Variants in FAM227B observed in about 807,000 individuals in gnomAD.
FAM227B encodes the protein family with sequence similarity 227 member B, also known as protein FAM227B.
Under a neutral mutation model 73.8 loss-of-function variants are expected in FAM227B, and 88 were observed. The ratio of observed to expected loss-of-function variants is 1.19; its 90% CI spans 1.00 to 1.42. The LOEUF (loss-of-function observed/expected upper bound fraction) is 1.42. Ranked by LOEUF, FAM227B falls within the 40% of genes most tolerant of loss-of-function variation. FAM227B has a pLI of 0.00. For synonymous variants in FAM227B, 210 were observed against 190.5 expected (o/e 1.10, Z -0.84); for missense variants, 632 against 590.9 (o/e 1.07, Z -0.72).
At chr15:49,347,635 T>TA (rs1384540083) in intron 13 of FAM227B, among the ~76,000 whole-genome samples, 8 of 152,294 alleles carry the variant, frequency 5.3e-5, no homozygotes, top group African/African-American at 1.9e-4. Context: ...CTGAGAAGCT[T>TA]AGTTATTATC....
intron 13 of FAM227B, chr15:49,353,961 G>C (rs149059564): frequency 6.6e-6 from 1 of 152,200 alleles, no homozygotes; most frequent in South Asian, 2.1e-4. Flanking sequence ...GGAAAAATGT[G>C]TGTTCATGTG....
intron 15 of FAM227B, chr15:49,329,017 ACT>A (rs3075142): frequency 0.28 from 285,824 of 1,011,374 alleles, 41,494 homozygotes; most frequent in East Asian, 0.42. Flanking sequence ...CTTTCTTATC[ACT>A]CTTTTTCTAC....
At chr15:49,591,975 G>A (rs552799748) in intron 3 of FAM227B, among the ~76,000 whole-genome samples, 1 of 152,114 alleles carries the variant, frequency 6.6e-6, no homozygotes, top group Non-Finnish European at 1.5e-5. Flanking sequence ...GGCTATTGAA[G>A]CTTGTGCACG....
chr15:49,549,619 C>A (rs1276256578), intron 9 of FAM227B, among the ~76,000 whole-genome samples: 1 of 151,722 alleles, frequency 6.6e-6, no homozygotes, highest in Non-Finnish European at 1.5e-5. Flanking sequence ...GGACACAGCA[C>A]ATGATTCCGA....
intron 9 of FAM227B, among the ~76,000 whole-genome samples, chr15:49,549,863 G>A (rs1434494108): frequency 3.3e-5 from 5 of 152,072 alleles, no homozygotes; most frequent in Non-Finnish European, 7.4e-5. Flanking sequence ...TGGTGGCCGG[G>A]CAGAGGGGCT....
At chr15:49,586,364 C>T (rs2076162979) in intron 5 of FAM227B, among the ~76,000 whole-genome samples, 1 of 152,124 alleles carries the variant, frequency 6.6e-6, no homozygotes, top group Admixed American at 6.6e-5. Context: ...GGACCTTTTC[C>T]TTGCACCTTA....
chr15:49,597,389 A>C (rs1372315147), intron 3 of FAM227B, among the ~76,000 whole-genome samples: 2 of 152,048 alleles, frequency 1.3e-5, no homozygotes, highest in Non-Finnish European at 2.9e-5. Context: ...TCAACAATGA[A>C]ATCAAGATGG....
At chr15:49,551,009 C>G (rs199714504) in intron 9 of FAM227B, among the ~76,000 whole-genome samples, 7,989 of 152,312 alleles carry the variant, frequency 0.052, 360 homozygotes, top group East Asian at 0.23. Flanking sequence ...ACTGAGTGAA[C>G]CAGACTCCGT....
At chr15:49,422,120 T>TAGAGAGAG (rs3075167) in intron 11 of FAM227B, among the ~76,000 whole-genome samples, 5,135 of 134,380 alleles carry the variant, frequency 0.038, 314 homozygotes, top group African/African-American at 0.14. Flanking sequence ...GCATTTCACA[T>TAGAGAGAG]AGAGAGAGAG....
intron 11 of FAM227B, among the ~76,000 whole-genome samples, chr15:49,477,216 C>T (rs911653119): frequency 1.3e-5 from 2 of 152,122 alleles, no homozygotes; most frequent in Admixed American, 6.5e-5. Flanking sequence ...ATACTAAGGT[C>T]CACGTTTTGC....
chr15:49,435,143 AAATG>A (rs936351198), intron 11 of FAM227B, among the ~76,000 whole-genome samples: 11 of 151,628 alleles, frequency 7.3e-5, no homozygotes, highest in African/African-American at 2.7e-4. Flanking sequence ...AGTGTGAAAA[AAATG>A]AATGAAATAT....
intron 10 of FAM227B, among the ~76,000 whole-genome samples, chr15:49,540,258 T>C (rs923404302): frequency 6.6e-6 from 1 of 152,168 alleles, no homozygotes; most frequent in Admixed American, 6.5e-5. Context: ...AAAAGGTTGC[T>C]AGGATCCTTT....
intron 11 of FAM227B, among the ~76,000 whole-genome samples, chr15:49,489,822 T>A (rs1047004460): frequency 0.054 from 1,706 of 31,580 alleles, 77 homozygotes; most frequent in Non-Finnish European, 0.079. Context: ...TATATATATT[T>A]TATATATATA....
chr15:49,402,307 G>A (rs2048220780), intron 11 of FAM227B, among the ~76,000 whole-genome samples: 1 of 152,078 alleles, frequency 6.6e-6, no homozygotes. Flanking sequence ...AAATTGTTAG[G>A]AAAAGTTTTT....
Position 49,537,948 on chromosome 15 carries a change from G to C in FAM227B, c.874+3732C>G, listed in dbSNP as rs114867717. Among the ~76,000 whole-genome samples the C allele has an allele frequency of 5.7e-3, 870 of 152,220 alleles. 10 individuals are homozygous for C. Among genetic ancestry groups the C allele is most frequent in the African/African-American group, 0.02 (835 of 41,544 alleles). On this transcript the variant is annotated intron_variant, in intron 10 of 15. Coordinates refer to ENST00000299338, the MANE Select transcript of FAM227B (RefSeq NM_152647.3). The stretch of plus-strand genomic sequence containing the variant: ...GTACAGCATGAATGGGATGATAAAG[G>C]TTAGAGGCTATGAAGGAGCAGACAT...
Position 49,541,822 on chromosome 15 carries a change from C to A in FAM227B, c.748-16G>T, listed in dbSNP as rs754946362. 1 of 1,356,250 alleles carries A rather than the reference C, an allele frequency of 7.4e-7. No individual in the cohort carries two copies. The highest frequency in any genetic ancestry group is 2.3e-5 in the South Asian group (1 of 44,052). The allele number at this position is 1,356,250 out of a possible 1,614,324, so 84.0% of individuals were successfully genotyped here. ...CAGGATATATCTACCAAAATAAAATCAAATTAGATTAATTTTATATTTTTA... is the reference window on the plus strand; with the variant it reads ...CAGGATATATCTACCAAAATAAAATAAAATTAGATTAATTTTATATTTTTA... On this transcript the variant is annotated splice_polypyrimidine_tract_variant and intron_variant, in intron 9 of 15. Transcript: ENST00000299338.
chr15:49,510,995 G>A (rs1199286786), intron 10 of FAM227B, among the ~76,000 whole-genome samples: 2 of 150,030 alleles, frequency 1.3e-5, no homozygotes, highest in African/African-American at 2.5e-5. Context: ...TTGTTCTCTG[G>A]GTTCTGAGGA....
At chr15:49,334,226 C>T in intron 14 of FAM227B, 2 of 982,152 alleles carry the variant, frequency 2.0e-6, no homozygotes, top group Non-Finnish European at 2.4e-6. Context: ...ACCTATCAAG[C>T]TCCTTGTCAA....
chr15:49,592,725 G>A (rs2076655509), intron 3 of FAM227B, among the ~76,000 whole-genome samples: 3 of 152,208 alleles, frequency 2.0e-5, no homozygotes, highest in Non-Finnish European at 4.4e-5. Context: ...CTTCAGAGCT[G>A]TCAGATAGGG....
Sources: gnomAD v4.1 joint callset for allele counts (sites outside exome capture counted in the v4.1 genomes callset) on GRCh38, gnomAD v4.1.1 for gene constraint, MANE v1.5 for transcripts, NCBI Gene and HGNC (gene_info 2026-07-23, HGNC 2026-07-21) for gene names.